The following PLCE1 variants were observed in gnomAD, a reference collection of about 807,000 sequenced individuals.
PLCE1 encodes 1-phosphatidylinositol 4,5-bisphosphate phosphodiesterase epsilon-1.
A neutral mutation model predicts 242.8 loss-of-function variants in PLCE1; 119 were observed. The ratio of observed to expected loss-of-function variants is 0.49; its 90% CI spans 0.42 to 0.57. The LOEUF (loss-of-function observed/expected upper bound fraction) is 0.57, where lower values mean the gene tolerates loss of function less well. Among genes scored for constraint, PLCE1 ranks in the 20% least tolerant of loss-of-function variants. PLCE1 has a pLI of 0.00. For missense variants in PLCE1, 2,441 were observed against 2,788.8 expected (o/e 0.88, Z 2.81); for synonymous variants, 945 against 1,017.4 (o/e 0.93, Z 1.35).
intron 19 of PLCE1, among the ~76,000 whole-genome samples, chr10:94,275,511 T>G (rs910836540): frequency 6.6e-6 from 1 of 152,196 alleles, no homozygotes; most frequent in Non-Finnish European, 1.5e-5. Flanking sequence ...ACTTTAAACC[T>G]TTGTTAATAC....
chr10:94,164,489 G>A (rs1352870122), intron 3 of PLCE1, among the ~76,000 whole-genome samples: 1 of 152,194 alleles, frequency 6.6e-6, no homozygotes, highest in Middle Eastern at 3.2e-3. Flanking sequence ...TCGTGCCATA[G>A]TTTTCAGCTG....
chr10:94,051,525 T>C (rs1315732706), intron 2 of PLCE1, among the ~76,000 whole-genome samples: 1 of 152,154 alleles, frequency 6.6e-6, no homozygotes, highest in East Asian at 1.9e-4. Flanking sequence ...AATAATTTTG[T>C]AGATAAGTAT....
At chr10:94,058,851 A>G (rs191390347) in intron 2 of PLCE1, among the ~76,000 whole-genome samples, 1 of 152,340 alleles carries the variant, frequency 6.6e-6, no homozygotes, top group East Asian at 1.9e-4. Context: ...CTTGCCAAAA[A>G]TAAAATAATA....
intron 2 of PLCE1, chr10:94,104,362 A>G (rs1371922542): frequency 6.6e-6 from 1 of 152,190 alleles, no homozygotes; most frequent in African/African-American, 2.4e-5. Flanking sequence ...ACTCGTGGTT[A>G]GTAGTGTTGC....
At chr10:94,187,636 A>G (rs1026569070) in intron 4 of PLCE1, among the ~76,000 whole-genome samples, 4 of 152,110 alleles carry the variant, frequency 2.6e-5, no homozygotes, top group Admixed American at 6.6e-5. Context: ...CTCAAGGGCC[A>G]GGGAAGGAGC....
At chr10:94,312,878 C>G (rs537681761) in intron 27 of PLCE1, among the ~76,000 whole-genome samples, 1 of 152,336 alleles carries the variant, frequency 6.6e-6, no homozygotes, top group Non-Finnish European at 1.5e-5. Flanking sequence ...GATGTACTCT[C>G]TAAAGGCAGA....
chr10:94,319,291 T>C (rs944982882), intron 29 of PLCE1, among the ~76,000 whole-genome samples: 51 of 152,328 alleles, frequency 3.3e-4, no homozygotes, highest in African/African-American at 9.9e-4. Flanking sequence ...GTTTACCTGG[T>C]GCATAGTGAT....
At chr10:94,105,933 C>T (rs922224724) in intron 2 of PLCE1, 3 of 152,118 alleles carry the variant, frequency 2.0e-5, no homozygotes, top group Admixed American at 6.6e-5. Context: ...AGTGTTAACT[C>T]GTTTAATTCA....
chr10:94,262,547 CA>C lies in PLCE1; in HGVS notation c.3869del (p.Gln1290ArgfsTer19). 5.0e-6 allele frequency: 8 copies of C among 1,614,048 alleles called. No individual in the cohort carries two copies. Among genetic ancestry groups the C allele is most frequent in the Non-Finnish European group, 6.8e-6 (8 of 1,179,936 alleles). ...GGGGTTGTTCATTAAGAGTAAACAG[CA>C]GCTATCGGACAACCAGAGGCAGATA... The part of the protein sequence containing the change: ...DLGLFIKSKQ[Q>X]LSDNQRQISD... On this transcript the variant is annotated frameshift_variant, in exon 14 of 33. Transcript: ENST00000371380. LOFTEE classifies it high-confidence loss of function.
At position 94,254,317 on chromosome 10, in the gene PLCE1, C is replaced by A; in HGVS notation, c.3397+10C>A. ...GAACAAGAAGAATCAGGTAAAGCGG[C>A]ATGTTTACATCTGAGATTTTTGTTT... On this transcript the variant is annotated intron_variant, in intron 10 of 32. Coordinates refer to ENST00000371380, the MANE Select transcript of PLCE1 (RefSeq NM_016341.4). 6.5e-7 allele frequency: 1 copy of A among 1,549,566 alleles called. No individual in the cohort carries two copies. Among genetic ancestry groups the A allele is most frequent in the Non-Finnish European group, 8.9e-7 (1 of 1,121,096 alleles).
At chr10:94,069,824 G>C (rs975131621) in intron 2 of PLCE1, among the ~76,000 whole-genome samples, 2 of 152,260 alleles carry the variant, frequency 1.3e-5, no homozygotes, top group African/African-American at 2.4e-5. Context: ...GCAAACAGAG[G>C]GTGGTCAGGA....
intron 24 of PLCE1, among the ~76,000 whole-genome samples, chr10:94,302,183 C>T (rs533484484): frequency 1.1e-4 from 16 of 152,204 alleles, no homozygotes; most frequent in Non-Finnish European, 1.9e-4. Context: ...TCAAACCGTG[C>T]GGCTCTACGT....
chr10:94,219,302 T>G (rs1456503241), intron 4 of PLCE1, among the ~76,000 whole-genome samples: 1 of 152,160 alleles, frequency 6.6e-6, no homozygotes, highest in Non-Finnish European at 1.5e-5. Context: ...AAATAAGAAA[T>G]TGGTGTATGT....
intron 4 of PLCE1, among the ~76,000 whole-genome samples, chr10:94,174,224 GGCCCATA>G (rs1166860165): frequency 6.6e-6 from 1 of 152,124 alleles, no homozygotes; most frequent in Non-Finnish European, 1.5e-5. Flanking sequence ...GTTGGATTAT[GGCCCATA>G]GAGTAAAATA....
At chr10:94,009,622 T>G (rs1229088928) in intron 1 of PLCE1, among the ~76,000 whole-genome samples, 1 of 152,204 alleles carries the variant, frequency 6.6e-6, no homozygotes, top group Admixed American at 6.5e-5. Flanking sequence ...AAACAACTTA[T>G]TTACTTCCAA....
At position 94,330,561 on chromosome 10, in the gene PLCE1, C is replaced by A. The variant is rs1233261050; in HGVS notation, c.*2618C>A. ...AAATACAAAAATTAGTGGTGGTGGG[C>A]ACCTGTAAATCCCAGCTATTGGGGA... is the stretch of plus-strand genomic sequence containing the variant. On this transcript the variant is annotated 3_prime_UTR_variant, in exon 33 of 33. Transcript: ENST00000371380. The A allele has an allele frequency of 6.6e-6, 1 of 151,786 alleles. No homozygotes were observed. The highest frequency in any genetic ancestry group is 2.4e-5 in the African/African-American group (1 of 41,288). The allele number at this position is 151,786 out of a possible 1,614,324, so 9.4% of individuals were successfully genotyped here.
intron 16 of PLCE1, 77 bp downstream of exon 16, chr10:94,266,035 G>A (rs992743549): frequency 1.5e-6 from 2 of 1,350,838 alleles, no homozygotes; most frequent in Non-Finnish European, 1.1e-6. Context: ...AAAAAAACCT[G>A]ACCCCAGACT....
chr10:94,005,579 A>G, intron 1 of PLCE1, among the ~76,000 whole-genome samples: 1 of 152,184 alleles, frequency 6.6e-6, no homozygotes, highest in East Asian at 1.9e-4. Context: ...CTTTACACCA[A>G]TGATTCTAAG....
chr10:94,060,444 G>A (rs1460388080), intron 2 of PLCE1, among the ~76,000 whole-genome samples: 3 of 152,124 alleles, frequency 2.0e-5, no homozygotes, highest in African/African-American at 7.2e-5. Context: ...AAAAATAAAA[G>A]AGTATGGGAA....
Sources: allele counts gnomAD v4.1 joint callset (sites outside exome capture counted in the v4.1 genomes callset), GRCh38; gene constraint gnomAD v4.1.1; transcripts MANE v1.5; gene names NCBI Gene and HGNC (gene_info 2026-07-23, HGNC 2026-07-21).